Variants in PDE1C observed in about 807,000 individuals in gnomAD.
PDE1C encodes phosphodiesterase 1C, also known as dual specificity calcium/calmodulin-dependent 3',5'-cyclic nucleotide phosphodiesterase 1C.
PDE1C carries 62 observed loss-of-function variants against 93.1 expected under a neutral mutation model. That is an observed-to-expected ratio of 0.67 (90% CI 0.54 to 0.82). The LOEUF (loss-of-function observed/expected upper bound fraction) is 0.82. Among genes scored for constraint, PDE1C ranks in the 40% least tolerant of loss-of-function variants. The pLI is 0.00. For synonymous variants in PDE1C, 325 were observed against 310.1 expected, an observed-to-expected ratio of 1.05 and a Z score of -0.50; for missense variants, 742 against 884.6, an observed-to-expected ratio of 0.84 and a Z score of 2.04.
chr7:32,295,257 T>C (rs1812555361), intron 1 of PDE1C, among the ~76,000 whole-genome samples: 1 of 152,164 alleles, frequency 6.6e-6, no homozygotes, highest in African/African-American at 2.4e-5. Context: ...TGCAGAATGA[T>C]GGGCTAGTAC....
chr7:31,717,383 C>T, the PDE1C span, among the ~76,000 whole-genome samples: 5 of 152,168 alleles, frequency 3.3e-5, no homozygotes, highest in African/African-American at 1.2e-4. Flanking sequence ...TCCTATTTAA[C>T]AGTCCCAAAA....
At chr7:32,404,695 C>T (rs1785016454) in intron 1 of PDE1C, among the ~76,000 whole-genome samples, 1 of 152,136 alleles carries the variant, frequency 6.6e-6, no homozygotes, top group African/African-American at 2.4e-5. Context: ...GCTCCATAAT[C>T]TTCGTGCCCA....
chr7:32,056,320 TTCTCTCTCTCTCTCTCTCTC>T (rs10648394), intron 1 of PDE1C, among the ~76,000 whole-genome samples: 4 of 111,020 alleles, frequency 3.6e-5, no homozygotes, highest in Non-Finnish European at 5.3e-5. Flanking sequence ...GGGTCCACCG[TTCTCTCTCTCTCTCTCTCTC>T]TCTCTCTCTC....
intron 1 of PDE1C, among the ~76,000 whole-genome samples, chr7:32,239,360 T>G (rs950964234): frequency 1.3e-5 from 2 of 152,092 alleles, no homozygotes; most frequent in Non-Finnish European, 2.9e-5. Context: ...ACTATTACAC[T>G]CCAGCCCAAA....
intron 1 of PDE1C, among the ~76,000 whole-genome samples, chr7:32,285,037 AAAAAAAG>A (rs1295605192): frequency 1.1e-4 from 17 of 152,118 alleles, no homozygotes; most frequent in African/African-American, 3.1e-4. Flanking sequence ...CTCAAAAAAA[AAAAAAAG>A]AAAAAAGAAA....
At chr7:31,738,461 A>G in the PDE1C span, among the ~76,000 whole-genome samples, 9 of 152,190 alleles carry the variant, frequency 5.9e-5, no homozygotes, top group Admixed American at 5.2e-4. Flanking sequence ...TAAGAACAGT[A>G]TAAGGGAAAC....
intron 3 of PDE1C, among the ~76,000 whole-genome samples, chr7:32,121,904 C>T (rs1799320924): frequency 6.6e-6 from 1 of 152,036 alleles, no homozygotes; most frequent in African/African-American, 2.4e-5. Flanking sequence ...GCTAAATGCC[C>T]CCAATTAAAA....
intron 3 of PDE1C, among the ~76,000 whole-genome samples, chr7:32,164,410 C>A (rs76147539): frequency 6.6e-6 from 1 of 152,146 alleles, no homozygotes; most frequent in Non-Finnish European, 1.5e-5. Context: ...TTAGTATAAC[C>A]AATCACACCA....
At chr7:32,360,080 C>T (rs1784107895) in intron 1 of PDE1C, among the ~76,000 whole-genome samples, 1 of 152,100 alleles carries the variant, frequency 6.6e-6, no homozygotes, top group Non-Finnish European at 1.5e-5. Context: ...CACACCGAGC[C>T]CAGCAAAGGC....
At chr7:31,675,979 A>C in the PDE1C span, among the ~76,000 whole-genome samples, 1 of 152,174 alleles carries the variant, frequency 6.6e-6, no homozygotes, top group Non-Finnish European at 1.5e-5. Flanking sequence ...GAGAGTATCT[A>C]ACCATTGGCT....
rs77555134 is a variant in PDE1C at position 31,940,801 on chromosome 7, G to A, written c.129-59941C>T. On this transcript the variant is annotated intron_variant, in intron 2 of 17. Coordinates refer to ENST00000396191, the MANE Select transcript of PDE1C (RefSeq NM_001191057.4). ...AAACCCAGCCACGCTCTGTGAGCAG[G>A]TGGATCCAGTTTCACTCTGAGCATC... 8.0e-3 allele frequency among the ~76,000 whole-genome samples: 1,222 copies of A among 152,192 alleles called. 19 individuals are homozygous for A. Among genetic ancestry groups the A allele is most frequent in the African/African-American group, 0.027 (1,120 of 41,526 alleles).
At chr7:32,299,128 G>A in exon 1 of PDE1C, 6 of 1,021,846 alleles carry the variant, frequency 5.9e-6, no homozygotes, top group Non-Finnish European at 7.0e-6. Context: ...AGGAAAGTCT[G>A]TTTTCTACTT....
intron 1 of PDE1C, among the ~76,000 whole-genome samples, chr7:32,210,699 AATTACTAATTTGGGCAATTTGTCT>A (rs1347923410): frequency 1.3e-5 from 2 of 152,190 alleles, no homozygotes; most frequent in African/African-American, 2.4e-5. Context: ...TAATAAGGCC[AATTACTAATTTGGGCAATTTGTCT>A]ATTACTAATT....
chr7:31,935,516 T>C (rs1016185088), intron 2 of PDE1C, among the ~76,000 whole-genome samples: 2 of 152,088 alleles, frequency 1.3e-5, no homozygotes, highest in African/African-American at 4.8e-5. Flanking sequence ...AATCCATCAA[T>C]GCGAAGGTCA....
At chr7:31,719,787 G>T in the PDE1C span, among the ~76,000 whole-genome samples, 1 of 152,280 alleles carries the variant, frequency 6.6e-6, no homozygotes, top group South Asian at 2.1e-4. Context: ...CTTCTACTCC[G>T]AAAGAAACCA....
chr7:31,846,331 A>G (rs1012273106), intron 9 of PDE1C, among the ~76,000 whole-genome samples: 9 of 150,286 alleles, frequency 6.0e-5, no homozygotes, highest in Non-Finnish European at 1.0e-4. Flanking sequence ...TAGCACACAT[A>G]TACAACCATC....
chr7:32,385,752 T>C (rs1345486682), intron 1 of PDE1C, among the ~76,000 whole-genome samples: 1 of 152,074 alleles, frequency 6.6e-6, no homozygotes, highest in African/African-American at 2.4e-5. Context: ...CAGAGAGAAT[T>C]TGGCAAGACT....
chr7:32,369,645 C>T (rs970392249), intron 1 of PDE1C, among the ~76,000 whole-genome samples: 1 of 152,078 alleles, frequency 6.6e-6, no homozygotes, highest in African/African-American at 2.4e-5. Flanking sequence ...GCAATTTATC[C>T]AAAGAAAAGG....
At chr7:31,755,835 T>C (rs949137088) in intron 17 of PDE1C, among the ~76,000 whole-genome samples, 4 of 152,134 alleles carry the variant, frequency 2.6e-5, no homozygotes, top group Non-Finnish European at 4.4e-5. Context: ...TTAGTATGGA[T>C]TGGACAAAGT....
Sources: allele counts gnomAD v4.1 joint callset (sites outside exome capture counted in the v4.1 genomes callset), GRCh38; gene constraint gnomAD v4.1.1; transcripts MANE v1.5; gene names NCBI Gene and HGNC (gene_info 2026-07-23, HGNC 2026-07-21).